The following SEM1 variants were observed in gnomAD, a reference collection of about 807,000 sequenced individuals.
SEM1 encodes 26S proteasome complex subunit SEM1.
A neutral mutation model predicts 12.7 loss-of-function variants in SEM1; 3 were observed. That is an observed-to-expected ratio of 0.24 (90% CI 0.11 to 0.61). The LOEUF (loss-of-function observed/expected upper bound fraction) is 0.61. Ranked by LOEUF, SEM1 falls within the 20% of genes least tolerant of loss-of-function variation. SEM1 has a pLI of 0.88. For missense variants in SEM1, 59 were observed against 81.3 expected (o/e 0.73, Z 1.06); for synonymous variants, 30 against 27.8 (o/e 1.08, Z -0.25).
At chr7:96,636,501 C>A (rs987923561) in intron 2 of SEM1, among the ~76,000 whole-genome samples, 2 of 151,830 alleles carry the variant, frequency 1.3e-5, no homozygotes, top group Non-Finnish European at 2.9e-5. Context: ...GAGAAAAATC[C>A]AAGAAGCTCC....
At chr7:96,546,222 T>C (rs1046561814) in intron 2 of SEM1, among the ~76,000 whole-genome samples, 5 of 152,018 alleles carry the variant, frequency 3.3e-5, no homozygotes, top group African/African-American at 1.2e-4. Context: ...ATGTTGGAGA[T>C]TCAAAGATGA....
At chr7:96,674,350 AGTCT>A (rs1331294980) in intron 2 of SEM1, among the ~76,000 whole-genome samples, 1 of 152,108 alleles carries the variant, frequency 6.6e-6, no homozygotes, top group African/African-American at 2.4e-5. Context: ...AATGAACATC[AGTCT>A]GTCAAAAGAA....
At chr7:96,688,693 A>G, downstream of SEM1, 1 of 404,300 alleles carries the variant, frequency 2.5e-6, no homozygotes, top group Non-Finnish European at 4.3e-6. Flanking sequence ...ATCTATATAT[A>G]ATAAGGTTTT....
At chr7:96,593,522 T>G (rs936601753) in intron 2 of SEM1, among the ~76,000 whole-genome samples, 5 of 152,200 alleles carry the variant, frequency 3.3e-5, no homozygotes, top group African/African-American at 1.2e-4. Flanking sequence ...GAACCCAGTG[T>G]GCCGTATGTG....
chr7:96,516,319 T>C (rs1804094464), intron 2 of SEM1, among the ~76,000 whole-genome samples: 1 of 152,162 alleles, frequency 6.6e-6, no homozygotes, highest in Non-Finnish European at 1.5e-5. Flanking sequence ...GGAGAAAATA[T>C]GTTTTCAAGA....
chr7:96,675,946 T>C (rs1457686901), intron 2 of SEM1, among the ~76,000 whole-genome samples: 1 of 152,208 alleles, frequency 6.6e-6, no homozygotes, highest in Non-Finnish European at 1.5e-5. Flanking sequence ...CAGTAACTTC[T>C]CATTTGGCAT....
intron 2 of SEM1, among the ~76,000 whole-genome samples, chr7:96,664,955 A>C (rs755847988): frequency 2.0e-5 from 3 of 152,186 alleles, no homozygotes; most frequent in Admixed American, 6.5e-5. Flanking sequence ...TGAAACAATC[A>C]TTCTGTGTCC....
At chr7:96,639,369 T>G (rs1808522254) in intron 2 of SEM1, among the ~76,000 whole-genome samples, 1 of 151,932 alleles carries the variant, frequency 6.6e-6, no homozygotes, top group African/African-American at 2.4e-5. Context: ...AATGTGGTAT[T>G]GGCAAAAGAA....
At chr7:96,620,509 G>A (rs1300372318), downstream of SEM1, among the ~76,000 whole-genome samples, 2 of 152,158 alleles carry the variant, frequency 1.3e-5, no homozygotes, top group African/African-American at 4.8e-5. Context: ...TGTGTGTCAG[G>A]CCTGAGGCCC....
intron 2 of SEM1, among the ~76,000 whole-genome samples, chr7:96,523,537 C>T (rs1010765023): frequency 6.6e-6 from 1 of 152,074 alleles, no homozygotes; most frequent in Admixed American, 6.6e-5. Flanking sequence ...TTCTTGGTTC[C>T]CCACATCACT....
chr7:96,698,188 C>G (rs1401831452), intron 1 of SEM1, among the ~76,000 whole-genome samples: 3 of 151,916 alleles, frequency 2.0e-5, no homozygotes, highest in Non-Finnish European at 4.4e-5. Context: ...TTATTTTCAT[C>G]AACAATTAAA....
chr7:96,504,704 A>G (rs62470045), intron 3 of SEM1, among the ~76,000 whole-genome samples: 3,993 of 152,202 alleles, frequency 0.026, 62 homozygotes, highest in Non-Finnish European at 0.039. Flanking sequence ...ATCATCATAC[A>G]GTGTTCATAT....
intron 2 of SEM1, among the ~76,000 whole-genome samples, chr7:96,540,749 C>T (rs1804922424): frequency 6.6e-6 from 1 of 151,616 alleles, no homozygotes; most frequent in South Asian, 2.1e-4. Flanking sequence ...TTTTCAACCC[C>T]CCAGTAGTTT....
At chr7:96,522,734 A>ACCC (rs1804322521) in intron 2 of SEM1, among the ~76,000 whole-genome samples, 3 of 134,956 alleles carry the variant, frequency 2.2e-5, no homozygotes, top group African/African-American at 9.7e-5. Flanking sequence ...CCCCCCCCCA[A>ACCC]AAAAAAATTA....
chr7:96,588,387 C>CG (rs1414014946), intron 2 of SEM1, among the ~76,000 whole-genome samples: 935 of 68,382 alleles, frequency 0.014, 9 homozygotes, highest in African/African-American at 0.036. Context: ...CACACACACA[C>CG]ACACACACAC....
intron 2 of SEM1, among the ~76,000 whole-genome samples, chr7:96,532,478 C>A (rs1042087122): frequency 6.6e-6 from 1 of 152,128 alleles, no homozygotes; most frequent in African/African-American, 2.4e-5. Flanking sequence ...TGCTGCTCAG[C>A]TTTTCTTTCA....
At chr7:96,540,085 A>C (rs1453739010) in intron 2 of SEM1, among the ~76,000 whole-genome samples, 3 of 151,402 alleles carry the variant, frequency 2.0e-5, no homozygotes, top group African/African-American at 4.8e-5. Context: ...ATTGAAAAAG[A>C]ATTCTTAACA....
rs144741425 is a variant in SEM1, at chr7:96,485,831, C to T, written c.227+372G>A. On this transcript the variant is annotated intron_variant, in intron 2 of 3. Transcript: ENST00000356686. ...CTGGGATTACAGGCATGAGCCACTA[C>T]GCCTGGCCTCCCATCTCTGCATTCT... Among the ~76,000 whole-genome samples, 253 of 152,164 alleles carry T rather than the reference C, an allele frequency of 1.7e-3. 6 individuals carry two copies. In the East Asian group the frequency reaches 0.019, roughly 11 times the overall value.
At chr7:96,664,722 C>G (rs1332423735) in intron 2 of SEM1, among the ~76,000 whole-genome samples, 1 of 152,160 alleles carries the variant, frequency 6.6e-6, no homozygotes, top group Non-Finnish European at 1.5e-5. Context: ...GACACTTACA[C>G]ACACACCAGG....
Sources: gnomAD v4.1 joint callset for allele counts (sites outside exome capture counted in the v4.1 genomes callset) on GRCh38, gnomAD v4.1.1 for gene constraint, MANE v1.5 for transcripts, NCBI Gene and HGNC (gene_info 2026-07-23, HGNC 2026-07-21) for gene names.